Variants in PLCB1 observed in about 807,000 individuals in gnomAD.
PLCB1 encodes the protein 1-phosphatidylinositol 4,5-bisphosphate phosphodiesterase beta-1.
A neutral mutation model predicts 161.8 loss-of-function variants in PLCB1; 46 were observed. That is an observed-to-expected ratio of 0.28 (90% confidence interval 0.22 to 0.36). PLCB1 has a LOEUF of 0.36. Among genes scored for constraint, PLCB1 ranks in the 10% least tolerant of loss-of-function variants. The pLI is 1.00. For synonymous variants in PLCB1, 517 were observed against 503.7 expected (o/e 1.03, Z -0.35); for missense variants, 1,016 against 1,472.5 (o/e 0.69, Z 5.07).
At chr20:8,161,020 G>A (rs1239209849) in intron 2 of PLCB1, among the ~76,000 whole-genome samples, 2 of 151,926 alleles carry the variant, frequency 1.3e-5, no homozygotes, top group Non-Finnish European at 2.9e-5. Context: ...AATTTACTTT[G>A]CACATACCTT....
rs1285414696 is a variant in PLCB1, at chr20:8,413,754, A to T, written c.246+42304A>T. Among the ~76,000 whole-genome samples the T allele has an allele frequency of 5.3e-5, 8 of 152,226 alleles. 1 individual carries two copies. In the East Asian group the frequency reaches 1.5e-3, roughly 29 times the overall value. ...TTTTTTAACATATTCTGAATCTTTTATTTTTTGCAACTTTCACTGTCTCAG... is the reference window on the plus strand; with the variant it reads ...TTTTTTAACATATTCTGAATCTTTTTTTTTTTGCAACTTTCACTGTCTCAG... On this transcript the variant is annotated intron_variant, in intron 3 of 31. Transcript: ENST00000338037.
chr20:8,867,965 AT>A (rs1987483718), intron 31 of PLCB1, among the ~76,000 whole-genome samples: 1 of 152,148 alleles, frequency 6.6e-6, no homozygotes, highest in Admixed American at 6.5e-5. Context: ...TAATGTTACT[AT>A]TATTATAGTA....
At chr20:8,556,397 G>A (rs10211789) in intron 3 of PLCB1, among the ~76,000 whole-genome samples, 15,442 of 152,074 alleles carry the variant, frequency 0.1, 897 homozygotes, top group African/African-American at 0.15. Context: ...AAAGATGATA[G>A]TTGTTATAAA....
At chr20:8,557,686 A>T (rs1419030391) in intron 3 of PLCB1, among the ~76,000 whole-genome samples, 17 of 152,018 alleles carry the variant, frequency 1.1e-4, no homozygotes. Flanking sequence ...ACACAAAATG[A>T]CTAAAACAGT....
intron 3 of PLCB1, among the ~76,000 whole-genome samples, chr20:8,376,443 T>A (rs1040798184): frequency 1.3e-5 from 2 of 152,190 alleles, no homozygotes; most frequent in Non-Finnish European, 2.9e-5. Flanking sequence ...GATAGCTTTT[T>A]TACTTCATTC....
At chr20:8,381,502 A>C (rs1987253202) in intron 3 of PLCB1, among the ~76,000 whole-genome samples, 1 of 152,168 alleles carries the variant, frequency 6.6e-6, no homozygotes, top group Admixed American at 6.5e-5. Context: ...TGTTTGGAAT[A>C]GTTTCAGAAG....
intron 4 of PLCB1, among the ~76,000 whole-genome samples, chr20:8,629,183 G>T (rs1988452225): frequency 6.6e-6 from 1 of 151,766 alleles, no homozygotes; most frequent in African/African-American, 2.4e-5. Flanking sequence ...CCATGTAGTA[G>T]TTACTCAGTT....
intron 3 of PLCB1, among the ~76,000 whole-genome samples, chr20:8,552,517 T>C (rs73593801): frequency 0.012 from 1,875 of 152,274 alleles, 45 homozygotes; most frequent in African/African-American, 0.042. Flanking sequence ...TTGAAACAAA[T>C]AGAGTGTTTC....
At chr20:8,848,248 C>T (rs1355178392) in intron 31 of PLCB1, among the ~76,000 whole-genome samples, 1 of 152,182 alleles carries the variant, frequency 6.6e-6, no homozygotes. Flanking sequence ...AGCTTATGAT[C>T]CTACGGAGTT....
intron 31 of PLCB1, among the ~76,000 whole-genome samples, chr20:8,790,925 T>C (rs1315242271): frequency 6.6e-6 from 1 of 152,188 alleles, no homozygotes; most frequent in African/African-American, 2.4e-5. Flanking sequence ...CACTGAATAG[T>C]TTTCTGTTTG....
At chr20:8,554,707 TG>T (rs1985892052) in intron 3 of PLCB1, among the ~76,000 whole-genome samples, 2 of 152,140 alleles carry the variant, frequency 1.3e-5, no homozygotes, top group South Asian at 4.1e-4. Flanking sequence ...CAAATTGCAT[TG>T]ATCCATATGT....
intron 31 of PLCB1, among the ~76,000 whole-genome samples, chr20:8,870,927 T>C (rs541957077): frequency 5.4e-4 from 83 of 152,334 alleles, no homozygotes; most frequent in African/African-American, 2.0e-3. Context: ...TCTAAAGTGG[T>C]GCTATTCACA....
chr20:8,587,268 C>T (rs897985876), intron 3 of PLCB1, among the ~76,000 whole-genome samples: 1 of 152,070 alleles, frequency 6.6e-6, no homozygotes, highest in African/African-American at 2.4e-5. Flanking sequence ...TCCTAGGACT[C>T]ATACTAAATG....
chr20:8,650,197 A>G (rs936326086), intron 7 of PLCB1, among the ~76,000 whole-genome samples: 3 of 152,184 alleles, frequency 2.0e-5, no homozygotes, highest in Non-Finnish European at 4.4e-5. Context: ...AGCTAATGAT[A>G]GTGTTGAGTT....
intron 21 of PLCB1, among the ~76,000 whole-genome samples, chr20:8,740,035 A>C (rs186107716): frequency 8.5e-5 from 13 of 152,292 alleles, no homozygotes; most frequent in Admixed American, 8.5e-4. Flanking sequence ...TAAAAAAAGA[A>C]GTCATGTCAA....
chr20:8,579,977 C>T (rs1986782761), intron 3 of PLCB1, among the ~76,000 whole-genome samples: 1 of 152,082 alleles, frequency 6.6e-6, no homozygotes, highest in Non-Finnish European at 1.5e-5. Flanking sequence ...TCAGCAGGCT[C>T]TGGGGTGTAG....
In PLCB1 at chr20:8,620,236, A is replaced by AT. The variant is rs199776294; in HGVS notation, c.247-8050dup. ...ATTTTAAGTATACTACCAGCTATTA[A>AT]TTTTTTTTCAAGTACTCACAACTTG... On this transcript the variant is annotated intron_variant, in intron 3 of 31. Transcript: ENST00000338037. 8.0e-3 allele frequency among the ~76,000 whole-genome samples: 1,210 copies of AT among 152,080 alleles called. 6 individuals carry two copies. Among genetic ancestry groups the AT allele is most frequent in the Middle Eastern group, 0.034 (10 of 294 alleles).
chr20:8,458,630 C>T (rs761068651), intron 3 of PLCB1, among the ~76,000 whole-genome samples: 4 of 152,166 alleles, frequency 2.6e-5, no homozygotes, highest in Non-Finnish European at 5.9e-5. Flanking sequence ...ATATATTTCC[C>T]AATTTTTCAA....
intron 2 of PLCB1, among the ~76,000 whole-genome samples, chr20:8,210,176 T>G (rs1978746926): frequency 6.6e-6 from 1 of 152,166 alleles, no homozygotes; most frequent in Non-Finnish European, 1.5e-5. Flanking sequence ...CAAAAAATTA[T>G]TTCATGTGTC....
Sources: allele counts gnomAD v4.1 joint callset (sites outside exome capture counted in the v4.1 genomes callset), GRCh38; gene constraint gnomAD v4.1.1; transcripts MANE v1.5; gene names NCBI Gene and HGNC (gene_info 2026-07-23, HGNC 2026-07-21).